The following GRM8 variants were observed in gnomAD, a reference collection of about 807,000 sequenced individuals.
The protein encoded by GRM8 is metabotropic glutamate receptor 8.
GRM8 carries 47 observed loss-of-function variants against 87.2 expected under a neutral mutation model. That is an observed-to-expected ratio of 0.54 (90% CI 0.43 to 0.69). The LOEUF (loss-of-function observed/expected upper bound fraction) is 0.69. Among genes scored for constraint, GRM8 ranks in the 30% least tolerant of loss-of-function variants. The pLI is 0.00. For synonymous variants in GRM8, 396 were observed against 404.5 expected (o/e 0.98, Z 0.25); for missense variants, 1,019 against 1,139.2 (o/e 0.89, Z 1.52).
intron 1 of GRM8, among the ~76,000 whole-genome samples, chr7:127,247,126 A>G (rs1459494915): frequency 6.6e-6 from 1 of 152,226 alleles, no homozygotes; most frequent in African/African-American, 2.4e-5. Flanking sequence ...GGAAGGGACA[A>G]TCTGGGGGCA....
intron 6 of GRM8, among the ~76,000 whole-genome samples, chr7:126,776,289 A>T (rs1046969998): frequency 6.6e-6 from 1 of 152,146 alleles, no homozygotes; most frequent in African/African-American, 2.4e-5. Flanking sequence ...GAGAGAAAAT[A>T]TGTTTTAGAG....
chr7:126,710,450 T>C (rs1393471951), intron 7 of GRM8, among the ~76,000 whole-genome samples: 1 of 152,260 alleles, frequency 6.6e-6, no homozygotes, highest in Non-Finnish European at 1.5e-5. Context: ...GTTTATATAA[T>C]ATTCTAAATC....
intron 6 of GRM8, among the ~76,000 whole-genome samples, chr7:126,777,133 T>C (rs17683391): frequency 0.36 from 55,184 of 151,984 alleles, 11,548 homozygotes; most frequent in Non-Finnish European, 0.47. Flanking sequence ...CTTAGAGCCA[T>C]TGAACAAATC....
At chr7:127,218,430 C>T (rs537739943) in intron 2 of GRM8, among the ~76,000 whole-genome samples, 1 of 152,300 alleles carries the variant, frequency 6.6e-6, no homozygotes, top group African/African-American at 2.4e-5. Context: ...AGTTCAAATC[C>T]CAGCTGTACC....
At chr7:126,794,791 T>TTAAC (rs1449521746) in intron 6 of GRM8, among the ~76,000 whole-genome samples, 1 of 152,130 alleles carries the variant, frequency 6.6e-6, no homozygotes, top group African/African-American at 2.4e-5. Context: ...TCTTAGTGAA[T>TTAAC]TAACTGGAGG....
At chr7:126,586,038 C>T (rs1030185942) in intron 8 of GRM8, among the ~76,000 whole-genome samples, 3 of 152,020 alleles carry the variant, frequency 2.0e-5, no homozygotes, top group African/African-American at 4.8e-5. Context: ...ATACCAATAA[C>T]AGACAAACAG....
chr7:126,475,865 A>C (rs1805844884), intron 9 of GRM8, among the ~76,000 whole-genome samples: 1 of 152,176 alleles, frequency 6.6e-6, no homozygotes, highest in African/African-American at 2.4e-5. Context: ...TGCAATGGGG[A>C]AAACATCATC....
At chr7:126,735,156 T>C (rs947033741) in intron 7 of GRM8, among the ~76,000 whole-genome samples, 12 of 152,146 alleles carry the variant, frequency 7.9e-5, no homozygotes, top group Middle Eastern at 3.4e-3. Flanking sequence ...TAACACCAAA[T>C]ATGAATAGAT....
At chr7:126,890,144 A>T (rs545974292) in intron 6 of GRM8, among the ~76,000 whole-genome samples, 1 of 152,274 alleles carries the variant, frequency 6.6e-6, no homozygotes, top group Non-Finnish European at 1.5e-5. Flanking sequence ...CAATAGCCAC[A>T]TGTCACTAAT....
intron 2 of GRM8, chr7:127,229,152 C>G (rs1797526249): frequency 6.6e-6 from 1 of 152,160 alleles, no homozygotes; most frequent in Non-Finnish European, 1.5e-5. Context: ...CTCCATAATT[C>G]ACAGAAATAT....
chr7:126,637,394 G>C (rs1223920108), intron 7 of GRM8, among the ~76,000 whole-genome samples: 1 of 151,872 alleles, frequency 6.6e-6, no homozygotes, highest in Non-Finnish European at 1.5e-5. Context: ...TGTTCAACAA[G>C]GTGAATGCAC....
chr7:126,538,235 T>C (rs374721228), intron 8 of GRM8, among the ~76,000 whole-genome samples: 9 of 152,302 alleles, frequency 5.9e-5, no homozygotes, highest in African/African-American at 2.2e-4. Context: ...TCCGGGTGAG[T>C]GTGCTTACAT....
Position 126,547,701 on chromosome 7 carries a change from G to A in GRM8, c.1495-13814C>T, listed in dbSNP as rs189726258. 4.0e-3 allele frequency among the ~76,000 whole-genome samples: 613 copies of A among 151,832 alleles called. 2 individuals carry two copies. Among genetic ancestry groups the A allele is most frequent in the Non-Finnish European group, 7.0e-3 (478 of 67,902 alleles). ...GAAGAATTCATGGAAAAGCAAATAG[G>A]GAGTTGGAATCATTAAACAAAAATA... On this transcript the variant is annotated intron_variant, in intron 8 of 10. Coordinates refer to ENST00000339582, the MANE Select transcript of GRM8 (RefSeq NM_000845.3).
At chr7:126,754,325 C>T (rs529194937) in intron 7 of GRM8, among the ~76,000 whole-genome samples, 1 of 151,758 alleles carries the variant, frequency 6.6e-6, no homozygotes, top group Non-Finnish European at 1.5e-5. Flanking sequence ...CAGTATCATG[C>T]CTAAATTATG....
At chr7:126,961,075 T>C (rs570937959) in intron 3 of GRM8, among the ~76,000 whole-genome samples, 24 of 152,326 alleles carry the variant, frequency 1.6e-4, no homozygotes, top group African/African-American at 5.8e-4. Flanking sequence ...GACCATATTA[T>C]CATAGCTAAA....
At chr7:126,819,076 G>A (rs573230024) in intron 6 of GRM8, among the ~76,000 whole-genome samples, 1 of 152,078 alleles carries the variant, frequency 6.6e-6, no homozygotes, top group Non-Finnish European at 1.5e-5. Context: ...GGGATCTCCC[G>A]TTTCTGTGTC....
intron 6 of GRM8, among the ~76,000 whole-genome samples, chr7:126,839,429 C>T (rs1234438649): frequency 2.0e-5 from 3 of 152,164 alleles, no homozygotes; most frequent in African/African-American, 7.2e-5. Flanking sequence ...ATCACTCAGA[C>T]TCAAACTCAG....
At chr7:126,444,532 T>A (rs1801800349) in intron 10 of GRM8, among the ~76,000 whole-genome samples, 1 of 152,080 alleles carries the variant, frequency 6.6e-6, no homozygotes, top group Non-Finnish European at 1.5e-5. Context: ...CCGAAGATAA[T>A]CTTTTTAGAA....
At chr7:127,150,786 C>T (rs1195470334) in intron 2 of GRM8, among the ~76,000 whole-genome samples, 2 of 152,046 alleles carry the variant, frequency 1.3e-5, no homozygotes, top group African/African-American at 4.8e-5. Context: ...TCTTATTACA[C>T]AGTGTGGGCC....
Sources: allele counts gnomAD v4.1 joint callset (sites outside exome capture counted in the v4.1 genomes callset), GRCh38; gene constraint gnomAD v4.1.1; transcripts MANE v1.5; gene names NCBI Gene and HGNC (gene_info 2026-07-23, HGNC 2026-07-21).